The following TDP1 variants were observed in gnomAD, a reference collection of about 807,000 sequenced individuals.
TDP1 encodes the protein tyr-DNA phosphodiesterase 1.
Under a neutral mutation model 81.5 loss-of-function variants are expected in TDP1, and 64 were observed. The ratio of observed to expected loss-of-function variants is 0.79; its 90% CI spans 0.64 to 0.97. TDP1 has a LOEUF of 0.97. Among genes scored for constraint, TDP1 ranks in the 50% least tolerant of loss-of-function variants. The pLI, the probability that TDP1 is intolerant of heterozygous loss-of-function variation, is 0.00. For missense variants in TDP1, 723 were observed against 743.8 expected, an observed-to-expected ratio of 0.97 and a Z score of 0.33; for synonymous variants, 256 against 264.3, an observed-to-expected ratio of 0.97 and a Z score of 0.30.
chr14:90,015,630 C>A (rs376177937), intron 14 of TDP1, among the ~76,000 whole-genome samples: 1 of 152,272 alleles, frequency 6.6e-6, no homozygotes, highest in South Asian at 2.1e-4. Flanking sequence ...GGCCAGGTAC[C>A]GGTGAGGGCC....
At chr14:89,962,700 A>G (rs552750205) in intron 2 of TDP1, among the ~76,000 whole-genome samples, 2 of 148,848 alleles carry the variant, frequency 1.3e-5, no homozygotes, top group Non-Finnish European at 2.9e-5. Context: ...CCCTGTCTCT[A>G]CCAAAAAAAA....
chr14:90,018,879 C>A, intron 14 of TDP1: 1 of 746,020 alleles, frequency 1.3e-6, no homozygotes, highest in Non-Finnish European at 1.6e-6. Context: ...GAAATTAGCA[C>A]TACCTGGCAA....
chr14:89,990,746 T>C lies in TDP1; in HGVS notation c.1366+981T>C, dbSNP rs182749089. Among the ~76,000 whole-genome samples, 24 of 152,172 alleles carry C rather than the reference T, an allele frequency of 1.6e-4. 1 individual carries two copies. The East Asian group carries it at 4.4e-3, about 28-fold the overall frequency. ...AACTGGCTTTGAAACTGAATGTTTTTAGTTATTTGAAGTTGAAGACAGGAC... is the reference window on the plus strand; with the variant it reads ...AACTGGCTTTGAAACTGAATGTTTTCAGTTATTTGAAGTTGAAGACAGGAC... On this transcript the variant is annotated intron_variant, in intron 12 of 16. Coordinates refer to ENST00000335725, the MANE Select transcript of TDP1 (RefSeq NM_018319.4).
At chr14:90,035,362 T>A (rs1887714216) in intron 16 of TDP1, among the ~76,000 whole-genome samples, 1 of 152,162 alleles carries the variant, frequency 6.6e-6, no homozygotes, top group African/African-American at 2.4e-5. Context: ...TTGAGTCCTC[T>A]AAATTTCTTG....
intron 15 of TDP1, among the ~76,000 whole-genome samples, chr14:90,021,870 T>G (rs35932251): frequency 1.4e-3 from 220 of 152,096 alleles, no homozygotes; most frequent in African/African-American, 5.2e-3. Flanking sequence ...TTTCCAAGAG[T>G]TTGTTAGCAC....
At chr14:90,029,498 C>A (rs1387460713) in intron 15 of TDP1, among the ~76,000 whole-genome samples, 1 of 122,806 alleles carries the variant, frequency 8.1e-6, no homozygotes, top group Admixed American at 8.2e-5. Flanking sequence ...CGCACCCGGC[C>A]TTTTTTTTTT....
chr14:89,971,283 A>G lies in TDP1; in HGVS notation c.756+12A>G. On this transcript the variant is annotated intron_variant, in intron 6 of 16. Coordinates refer to ENST00000335725, the MANE Select transcript of TDP1 (RefSeq NM_018319.4). ...TCTCTCTCTGCCAGGTAAGCCACTTACTGCCGTTGGAGAGCACGCGTAGTC... is the reference window on the plus strand; with the variant it reads ...TCTCTCTCTGCCAGGTAAGCCACTTGCTGCCGTTGGAGAGCACGCGTAGTC... 1 of 1,608,328 alleles carries G rather than the reference A, an allele frequency of 6.2e-7. No individual in the cohort carries two copies. Among genetic ancestry groups the G allele is most frequent in the Non-Finnish European group, 8.5e-7 (1 of 1,174,666 alleles).
chr14:90,020,054 A>C (rs1479567212), intron 15 of TDP1, among the ~76,000 whole-genome samples: 2 of 152,194 alleles, frequency 1.3e-5, no homozygotes, highest in Non-Finnish European at 2.9e-5. Context: ...GATGTCCAGC[A>C]CAGCCAGCTT....
intron 15 of TDP1, 195 bp from the exon 16 acceptor site, chr14:90,032,911 A>G: frequency 1.1e-6 from 1 of 952,012 alleles, no homozygotes; most frequent in Non-Finnish European, 1.3e-6. Flanking sequence ...TAAAGCTCTT[A>G]TGTTTAGAAA....
chr14:90,027,220 G>T (rs1431461666), intron 15 of TDP1, among the ~76,000 whole-genome samples: 2 of 152,134 alleles, frequency 1.3e-5, no homozygotes. Flanking sequence ...GTGATGATGA[G>T]CATTCCTGGC....
intron 14 of TDP1, among the ~76,000 whole-genome samples, chr14:90,017,655 C>A (rs1278076915): frequency 7.2e-5 from 11 of 152,142 alleles, no homozygotes; most frequent in Non-Finnish European, 8.8e-5. Flanking sequence ...CAAGAGTTGG[C>A]CAGAAAGCGA....
At chr14:89,991,220 C>T (rs1335759826) in intron 12 of TDP1, among the ~76,000 whole-genome samples, 1 of 152,202 alleles carries the variant, frequency 6.6e-6, no homozygotes, top group Non-Finnish European at 1.5e-5. Context: ...AGGATTCTAA[C>T]ACTTCAGATC....
intron 14 of TDP1, among the ~76,000 whole-genome samples, chr14:90,005,333 A>G (rs1373840830): frequency 6.6e-6 from 1 of 152,216 alleles, no homozygotes; most frequent in African/African-American, 2.4e-5. Flanking sequence ...GATGAGTGCA[A>G]GTAATTCACC....
chr14:90,034,989 T>C (rs1384186817), intron 16 of TDP1, among the ~76,000 whole-genome samples: 2 of 149,706 alleles, frequency 1.3e-5, no homozygotes, highest in Non-Finnish European at 3.0e-5. Context: ...TCTGTCCCGC[T>C]AACCATTCTC....
At chr14:90,038,312 A>G (rs1281071747) in intron 16 of TDP1, among the ~76,000 whole-genome samples, 1 of 152,226 alleles carries the variant, frequency 6.6e-6, no homozygotes, top group Non-Finnish European at 1.5e-5. Flanking sequence ...TACATAATAT[A>G]CATAATCCTC....
rs774472343 is a variant in TDP1, at chr14:90,023,045, G to A, written c.1644+3627G>A. ...GCTGTCTTCCAGGCCCCTGCGAAGAGAATAAAGGATGAAGTGGAGGCTTCG... is the reference window on the plus strand; with the variant it reads ...GCTGTCTTCCAGGCCCCTGCGAAGAAAATAAAGGATGAAGTGGAGGCTTCG... On this transcript the variant is annotated intron_variant, in intron 15 of 16. Coordinates refer to ENST00000335725, the MANE Select transcript of TDP1 (RefSeq NM_018319.4). The A allele has an allele frequency of 5.2e-6, 4 of 763,428 alleles. No individual in the cohort carries two copies. The Admixed American group carries it at 6.8e-5, about 13-fold the overall frequency. The allele number at this position is 763,428 out of a possible 1,614,324, so 47.3% of individuals were successfully genotyped here. A position where few individuals can be genotyped will look rare whatever the true frequency, so the allele number is the denominator to read the frequency against.
At chr14:89,998,372 T>TTTTATA (rs1555390517) in intron 14 of TDP1, among the ~76,000 whole-genome samples, 5 of 53,146 alleles carry the variant, frequency 9.4e-5, no homozygotes, top group African/African-American at 4.1e-4. Context: ...TCCAAGCACA[T>TTTTATA]TATATATATA....
chr14:90,033,690 C>T (rs889865450), intron 16 of TDP1: 65 of 188,682 alleles, frequency 3.4e-4, no homozygotes, highest in Non-Finnish European at 1.8e-4. Flanking sequence ...CACTTTCACA[C>T]CATCATAAAG....
intron 15 of TDP1, among the ~76,000 whole-genome samples, chr14:90,029,243 G>A (rs1158001145): frequency 1.4e-5 from 2 of 147,618 alleles, no homozygotes; most frequent in Admixed American, 1.3e-4. Context: ...TGTCACCCAG[G>A]CTGGAGTGCA....
Sources: gnomAD v4.1 joint callset for allele counts (sites outside exome capture counted in the v4.1 genomes callset) on GRCh38, gnomAD v4.1.1 for gene constraint, MANE v1.5 for transcripts, NCBI Gene and HGNC (gene_info 2026-07-23, HGNC 2026-07-21) for gene names.